The following FAM114A1 variants were observed in gnomAD, a reference collection of about 807,000 sequenced individuals.
FAM114A1 encodes protein NOXP20.
FAM114A1 carries 62 observed loss-of-function variants against 64.3 expected under a neutral mutation model. That is an observed-to-expected ratio of 0.96 (90% CI 0.79 to 1.19). The LOEUF is 1.19. FAM114A1 is among the 50% of genes most tolerant of loss of function. FAM114A1 has a pLI of 0.00. For synonymous variants in FAM114A1, 254 were observed against 251.1 expected, an observed-to-expected ratio of 1.01 and a Z score of -0.11; for missense variants, 645 against 676.3, an observed-to-expected ratio of 0.95 and a Z score of 0.51.
At chr4:38,901,374 G>A (rs1055208224) in intron 4 of FAM114A1, among the ~76,000 whole-genome samples, 3 of 152,050 alleles carry the variant, frequency 2.0e-5, no homozygotes, top group African/African-American at 7.2e-5. Context: ...CTGCACCCAT[G>A]CCTCCTGGGT....
chr4:38,901,243 T>C (rs921465163), intron 4 of FAM114A1, among the ~76,000 whole-genome samples: 11 of 152,104 alleles, frequency 7.2e-5, no homozygotes, highest in African/African-American at 2.7e-4. Context: ...GTTGCTTCCC[T>C]GAGTTACCAC....
intron 4 of FAM114A1, among the ~76,000 whole-genome samples, chr4:38,904,005 T>C (rs1717756930): frequency 6.6e-6 from 1 of 152,214 alleles, no homozygotes; most frequent in Non-Finnish European, 1.5e-5. Context: ...GTCATCCATG[T>C]GTTCCCCTTT....
chr4:38,940,797 G>A (rs1281411315), intron 13 of FAM114A1, among the ~76,000 whole-genome samples, 171 bp from the exon 14 acceptor site: 1 of 152,162 alleles, frequency 6.6e-6, no homozygotes, highest in East Asian at 1.9e-4. Context: ...AATTAAATGA[G>A]ACTAAAAAGG....
intron 3 of FAM114A1, among the ~76,000 whole-genome samples, chr4:38,881,629 A>G (rs1715284394): frequency 6.6e-6 from 1 of 152,218 alleles, no homozygotes; most frequent in African/African-American, 2.4e-5. Context: ...AAACCATTCT[A>G]CGTAGGTGCA....
At chr4:38,905,259 C>T (rs1427695086) in intron 4 of FAM114A1, among the ~76,000 whole-genome samples, 2 of 151,974 alleles carry the variant, frequency 1.3e-5, no homozygotes, top group Non-Finnish European at 2.9e-5. Flanking sequence ...ATTAGCCGGG[C>T]GTGGTGGTGT....
At chr4:38,926,564 TC>T (rs376801530) in intron 9 of FAM114A1, among the ~76,000 whole-genome samples, 193 of 152,026 alleles carry the variant, frequency 1.3e-3, no homozygotes, top group African/African-American at 4.1e-3. Context: ...CAAGTGATTC[TC>T]CTGCCTCAGC....
intron 3 of FAM114A1, among the ~76,000 whole-genome samples, chr4:38,886,748 T>C (rs1715851727): frequency 6.6e-6 from 1 of 150,960 alleles, no homozygotes; most frequent in African/African-American, 2.4e-5. Context: ...GCCAACAAGG[T>C]GAAACCCTGT....
intron 4 of FAM114A1, among the ~76,000 whole-genome samples, chr4:38,903,514 G>C (rs1297386828): frequency 6.6e-6 from 1 of 152,126 alleles, no homozygotes; most frequent in African/African-American, 2.4e-5. Context: ...ATCTAGACGA[G>C]AATCATAGGT....
intron 4 of FAM114A1, among the ~76,000 whole-genome samples, chr4:38,895,972 A>G (rs2109627173): frequency 6.6e-6 from 1 of 152,228 alleles, no homozygotes; most frequent in Non-Finnish European, 1.5e-5. Context: ...CATCCCGCCT[A>G]CCTTAATTCT....
At chr4:38,904,492 G>A (rs1398714600) in intron 4 of FAM114A1, among the ~76,000 whole-genome samples, 3 of 152,200 alleles carry the variant, frequency 2.0e-5, no homozygotes, top group African/African-American at 7.2e-5. Flanking sequence ...AGGGAACAAG[G>A]GTATTATCCC....
In FAM114A1 at chr4:38,935,779, A is replaced by G. The variant is rs369797523; in HGVS notation, c.1525A>G (p.Thr509Ala). ...ATCAAAGAAGTTTACGAATTCTTTAACCACTGTTGGGGTAAGATTACAGTC... is the reference window on the plus strand; with the variant it reads ...ATCAAAGAAGTTTACGAATTCTTTAGCCACTGTTGGGGTAAGATTACAGTC... Reference protein sequence around the residue: ...SLSKKFTNSLTTVGSNKKAEV... With the variant: ...SLSKKFTNSLATVGSNKKAEV... Residue 509 changes from threonine to alanine, a missense_variant, in exon 13 of 15, where the codon ACC (threonine) becomes GCC (alanine). Coordinates refer to ENST00000358869, the MANE Select transcript of FAM114A1 (RefSeq NM_138389.4). The G allele has an allele frequency of 3.1e-5, 50 of 1,610,322 alleles. No individual in the cohort carries two copies. The highest frequency in any genetic ancestry group is 4.0e-5 in the Non-Finnish European group (47 of 1,176,884).
intron 2 of FAM114A1, among the ~76,000 whole-genome samples, chr4:38,869,597 T>A (rs771218186): frequency 6.6e-6 from 1 of 152,204 alleles, no homozygotes; most frequent in African/African-American, 2.4e-5. Context: ...GAGAATAGGC[T>A]GGAGCCTGGG....
chr4:38,876,032 G>T (rs1471439409), intron 2 of FAM114A1, among the ~76,000 whole-genome samples: 2 of 152,114 alleles, frequency 1.3e-5, no homozygotes, highest in East Asian at 3.8e-4. Flanking sequence ...ACCTTCATCA[G>T]CTGGTCCCCA....
chr4:38,887,319 A>G (rs1715918358), intron 3 of FAM114A1, among the ~76,000 whole-genome samples: 1 of 152,256 alleles, frequency 6.6e-6, no homozygotes, highest in African/African-American at 2.4e-5. Context: ...AAAATCAAAC[A>G]GTCACTTTCA....
intron 2 of FAM114A1, among the ~76,000 whole-genome samples, chr4:38,868,786 C>A (rs572020881): frequency 5.9e-5 from 9 of 152,342 alleles, no homozygotes; most frequent in African/African-American, 2.2e-4. Context: ...ATCCTCAGAG[C>A]CTCTTTTTGC....
intron 9 of FAM114A1, among the ~76,000 whole-genome samples, chr4:38,923,653 C>T (rs558268166): frequency 5.3e-4 from 81 of 152,134 alleles, no homozygotes; most frequent in Middle Eastern, 3.4e-3. Flanking sequence ...TGTAAGAGTT[C>T]GGGTATATTT....
Position 38,905,817 on chromosome 4 carries a change from T to G in FAM114A1, c.613T>G (p.Ser205Ala), listed in dbSNP as rs1717945770. Residue 205 changes from serine (S) to alanine (A), a missense_variant, in exon 6 of 15, where the codon TCT becomes GCT. Coordinates refer to ENST00000358869, the MANE Select transcript of FAM114A1 (RefSeq NM_138389.4). Reference protein sequence around the residue: ...ESPPTSPSSASRGMLSAITNV... With the variant: ...ESPPTSPSSAARGMLSAITNV... Reference sequence around the variant, plus strand: ...CCCACCCACTTCCCCTTCATCAGCCTCTCGGGGTATGCTGTCTGCCATCAC... The same window carrying G: ...CCCACCCACTTCCCCTTCATCAGCCGCTCGGGGTATGCTGTCTGCCATCAC... 1 of 1,613,910 alleles carries G rather than the reference T, an allele frequency of 6.2e-7. No homozygotes were observed. Among genetic ancestry groups the G allele is most frequent in the Admixed American group, 1.7e-5 (1 of 59,962 alleles).
intron 13 of FAM114A1, 94 bp downstream of exon 13, chr4:38,935,884 T>A: frequency 1.1e-6 from 1 of 880,858 alleles, no homozygotes; most frequent in Non-Finnish European, 1.8e-6. Context: ...AGTAGCTCCA[T>A]AAAACTGAAG....
chr4:38,889,625 A>G (rs1291583575), intron 3 of FAM114A1, among the ~76,000 whole-genome samples: 1 of 152,196 alleles, frequency 6.6e-6, no homozygotes, highest in Non-Finnish European at 1.5e-5. Context: ...TAATGAGGAA[A>G]TGAAGGCTTA....
Sources: gnomAD v4.1 joint callset for allele counts (sites outside exome capture counted in the v4.1 genomes callset) on GRCh38, gnomAD v4.1.1 for gene constraint, MANE v1.5 for transcripts, NCBI Gene and HGNC (gene_info 2026-07-23, HGNC 2026-07-21) for gene names.